The following PBX1 variants were observed in gnomAD, a reference collection of about 807,000 sequenced individuals.
PBX1 encodes pre-B-cell leukemia transcription factor 1.
A neutral mutation model predicts 53.4 loss-of-function variants in PBX1; 6 were observed. That is an observed-to-expected ratio of 0.11 (90% CI 0.06 to 0.22). The LOEUF is 0.22. PBX1 is among the 10% of genes least tolerant of loss of function. PBX1 has a pLI of 1.00. For synonymous variants in PBX1, 204 were observed against 212.3 expected (o/e 0.96, Z 0.34); for missense variants, 251 against 551.4 (o/e 0.46, Z 5.46).
At chr1:164,790,752 C>T (rs899352194) in intron 2 of PBX1, among the ~76,000 whole-genome samples, 1 of 152,212 alleles carries the variant, frequency 6.6e-6, no homozygotes, top group Non-Finnish European at 1.5e-5. Flanking sequence ...AGGGTTGGTT[C>T]TTTTGCTGCC....
At chr1:164,637,680 C>T (rs768262552) in intron 2 of PBX1, among the ~76,000 whole-genome samples, 9 of 152,152 alleles carry the variant, frequency 5.9e-5, no homozygotes, top group African/African-American at 1.2e-4. Flanking sequence ...TGAGGAGAGG[C>T]CTGCCAAGTT....
chr1:164,591,212 A>G (rs1222214313), intron 2 of PBX1, among the ~76,000 whole-genome samples: 1 of 151,982 alleles, frequency 6.6e-6, no homozygotes, highest in Non-Finnish European at 1.5e-5. Flanking sequence ...GGGTTTCACC[A>G]TGTTGGCCAG....
intron 2 of PBX1, chr1:164,702,946 T>A (rs1423206664): frequency 1.3e-5 from 2 of 152,146 alleles, no homozygotes; most frequent in African/African-American, 4.8e-5. Flanking sequence ...TGGTGCCAGC[T>A]CCACTGATAT....
chr1:164,753,672 A>C (rs1437606961), intron 2 of PBX1, among the ~76,000 whole-genome samples: 1 of 152,202 alleles, frequency 6.6e-6, no homozygotes, highest in East Asian at 1.9e-4. Context: ...TGTGGAAATG[A>C]GAGTGGCTTC....
intron 2 of PBX1, among the ~76,000 whole-genome samples, chr1:164,885,379 A>G (rs890870256): frequency 4.6e-5 from 7 of 152,204 alleles, no homozygotes. Flanking sequence ...TAGAGGAAAA[A>G]TGCCTGGATT....
chr1:164,711,327 G>A (rs1185097328), intron 2 of PBX1, among the ~76,000 whole-genome samples: 2 of 152,086 alleles, frequency 1.3e-5, no homozygotes, highest in Non-Finnish European at 2.9e-5. Flanking sequence ...GCAGTGGCGC[G>A]ATCTCGGCTC....
chr1:164,779,810 A>G (rs1667846115), intron 2 of PBX1, among the ~76,000 whole-genome samples: 1 of 152,098 alleles, frequency 6.6e-6, no homozygotes, highest in Non-Finnish European at 1.5e-5. Flanking sequence ...GGCCATGCTA[A>G]TGTCTGGCCA....
At chr1:164,588,500 T>TTTTA (rs1553211952) in intron 2 of PBX1, among the ~76,000 whole-genome samples, 4 of 138,872 alleles carry the variant, frequency 2.9e-5, no homozygotes, top group African/African-American at 1.1e-4. Context: ...TTTTTTTTTT[T>TTTTA]AGTTTCGAAG....
chr1:164,751,561 G>A (rs984504080), intron 2 of PBX1, among the ~76,000 whole-genome samples: 2 of 148,304 alleles, frequency 1.3e-5, no homozygotes, highest in African/African-American at 5.0e-5. Flanking sequence ...ATGTTCAAAT[G>A]TAATGGGTTT....
intron 2 of PBX1, chr1:164,641,542 A>G (rs896883449): frequency 1.2e-4 from 19 of 152,438 alleles, no homozygotes; most frequent in African/African-American, 4.3e-4. Context: ...GGTTGCCACC[A>G]AAGGCAGCTT....
At chr1:164,620,219 A>C (rs1329292162) in intron 2 of PBX1, among the ~76,000 whole-genome samples, 1 of 152,102 alleles carries the variant, frequency 6.6e-6, no homozygotes, top group Non-Finnish European at 1.5e-5. Flanking sequence ...AAAAACATGA[A>C]CTTCTTTTAA....
downstream of PBX1, among the ~76,000 whole-genome samples, chr1:164,856,258 G>A (rs1392129393): frequency 6.6e-6 from 1 of 152,102 alleles, no homozygotes; most frequent in Non-Finnish European, 1.5e-5. Context: ...TTCAGTATTA[G>A]CAGAAACATT....
rs186310738 is a variant in PBX1, at chr1:164,572,010, G to A, written c.265+8699G>A. Among the ~76,000 whole-genome samples, 248 of 148,464 alleles carry A rather than the reference G, an allele frequency of 1.7e-3. 2 individuals are homozygous for A. Among genetic ancestry groups the A allele is most frequent in the African/African-American group, 5.9e-3 (236 of 40,222 alleles). On this transcript the variant is annotated intron_variant, in intron 2 of 8. Coordinates refer to ENST00000420696, the MANE Select transcript of PBX1 (RefSeq NM_002585.4). ...CAATCTCTGCTTCCCAGGTTCAAGCGATTCTCCTGCCTCAGCCTCCTGAGT... is the reference window on the plus strand; with the variant it reads ...CAATCTCTGCTTCCCAGGTTCAAGCAATTCTCCTGCCTCAGCCTCCTGAGT...
chr1:164,848,311 AT>A lies in PBX1; in HGVS notation c.*1637del. ...ATAAAGATGGCAGCTCTATCACTTG[AT>A]TAAGTGGGAGGTGGTCAAATATTTT... On this transcript the variant is annotated 3_prime_UTR_variant, in exon 9 of 9. Coordinates refer to ENST00000420696, the MANE Select transcript of PBX1 (RefSeq NM_002585.4). 1 of 1,057,272 alleles carries A rather than the reference AT, an allele frequency of 9.5e-7. No individual in the cohort carries two copies. The highest frequency in any genetic ancestry group is 1.1e-6 in the Non-Finnish European group (1 of 874,348). 65.5% of individuals were successfully genotyped at this position (1,057,272 alleles called of 1,614,324 possible). A position where few individuals can be genotyped will look rare whatever the true frequency, so the allele number is the denominator to read the frequency against.
At chr1:164,666,817 A>G (rs192753284) in intron 2 of PBX1, among the ~76,000 whole-genome samples, 1 of 152,304 alleles carries the variant, frequency 6.6e-6, no homozygotes, top group East Asian at 1.9e-4. Context: ...ACTACTTGCT[A>G]CCTTCTACTG....
chr1:164,661,343 C>T (rs1329240507), intron 2 of PBX1, among the ~76,000 whole-genome samples: 3 of 151,624 alleles, frequency 2.0e-5, no homozygotes, highest in Admixed American at 6.6e-5. Flanking sequence ...ACCAATGGTT[C>T]ATGTCAAAGA....
chr1:164,630,944 G>A (rs560631977), intron 2 of PBX1: 2 of 152,310 alleles, frequency 1.3e-5, no homozygotes, highest in African/African-American at 2.4e-5. Context: ...ATCAGCTCCA[G>A]CAGCTTTCCA....
rs1652841553 is a variant in PBX1, at chr1:164,559,368, C to T, written c.-455C>T. 9.2e-6 allele frequency: 2 copies of T among 216,352 alleles called. No individual in the cohort carries two copies. The highest frequency in any genetic ancestry group is 1.9e-5 in the Non-Finnish European group (2 of 107,678). The allele number at this position is 216,352 out of a possible 1,614,324, so 13.4% of individuals were successfully genotyped here. On this transcript the variant is annotated 5_prime_UTR_variant, in exon 1 of 9. Coordinates refer to ENST00000420696, the MANE Select transcript of PBX1 (RefSeq NM_002585.4). ...GCGGGGGGTGGGGGGGGAAAGTTTG[C>T]ATTGCAATCCCCCTGCCTTCCTCTC...
intron 2 of PBX1, among the ~76,000 whole-genome samples, chr1:164,685,252 C>T (rs1428713406): frequency 6.6e-6 from 1 of 152,176 alleles, no homozygotes; most frequent in Non-Finnish European, 1.5e-5. Context: ...AGGTTTCTTG[C>T]TGTCATGGCT....
Sources: allele counts gnomAD v4.1 joint callset (sites outside exome capture counted in the v4.1 genomes callset), GRCh38; gene constraint gnomAD v4.1.1; transcripts MANE v1.5; gene names NCBI Gene and HGNC (gene_info 2026-07-23, HGNC 2026-07-21).